Variants in RTTN observed in about 807,000 individuals in gnomAD.
RTTN encodes the protein rotatin.
A neutral mutation model predicts 269.2 loss-of-function variants in RTTN; 182 were observed. That is an observed-to-expected ratio of 0.68 (90% CI 0.60 to 0.76). RTTN has a LOEUF of 0.76. Ranked by LOEUF, RTTN falls within the 30% of genes least tolerant of loss-of-function variation. RTTN has a pLI of 0.00. For synonymous variants in RTTN, 1,006 were observed against 963.5 expected, an observed-to-expected ratio of 1.04 and a Z score of -0.82; for missense variants, 2,545 against 2,608.6, an observed-to-expected ratio of 0.98 and a Z score of 0.53.
rs778915157 is a variant in RTTN, at chr18:70,135,244, G to A, written c.2825C>T (p.Thr942Ile). 4 of 1,544,588 alleles carry A rather than the reference G, an allele frequency of 2.6e-6. No homozygotes were observed. ...AAGACAAAATAGTGCTCCAACTTCA[G>A]TCACGACACTACAATCTTCATGAAA... ...LIFHEDCSVVTEVGALFCLLL... is the reference protein window; with the variant it reads ...LIFHEDCSVVIEVGALFCLLL... Residue 942 changes from threonine (T) to isoleucine (I), a missense_variant, in exon 22 of 49, where the codon ACT becomes ATT. Thr to Ile is a moderately conservative substitution (Grantham distance 89, BLOSUM62 -1). Transcript: ENST00000640769.
chr18:70,101,038 T>C (rs895182875), intron 28 of RTTN, among the ~76,000 whole-genome samples: 9 of 152,138 alleles, frequency 5.9e-5, no homozygotes, highest in African/African-American at 1.9e-4. Flanking sequence ...TAAAATTCTC[T>C]TTTTTTGTTG....
intron 27 of RTTN, among the ~76,000 whole-genome samples, chr18:70,111,231 A>G (rs1407938522): frequency 1.3e-5 from 2 of 152,234 alleles, no homozygotes; most frequent in African/African-American, 2.4e-5. Flanking sequence ...CTGCCTCCTC[A>G]AGTGGGTCCC....
intron 46 of RTTN, among the ~76,000 whole-genome samples, chr18:70,013,628 A>T (rs1396553637): frequency 6.6e-6 from 1 of 152,176 alleles, no homozygotes; most frequent in Non-Finnish European, 1.5e-5. Context: ...ATGAGACAGT[A>T]TTTTTGAATA....
At chr18:70,196,210 G>A (rs774363753) in intron 7 of RTTN, among the ~76,000 whole-genome samples, 3 of 151,540 alleles carry the variant, frequency 2.0e-5, no homozygotes, top group African/African-American at 7.3e-5. Context: ...CCAAATATCC[G>A]AGTCACTACA....
intron 39 of RTTN, among the ~76,000 whole-genome samples, chr18:70,049,690 A>G (rs2057600268): frequency 6.6e-6 from 1 of 152,176 alleles, no homozygotes; most frequent in Non-Finnish European, 1.5e-5. Flanking sequence ...GGTTACATAA[A>G]TGTCAGTTAT....
intron 20 of RTTN, 39 bp downstream of exon 20, chr18:70,140,061 C>T: frequency 2.3e-6 from 3 of 1,328,778 alleles, no homozygotes; most frequent in African/African-American, 2.9e-5. Context: ...TTAATCAAAA[C>T]AGCCTGTAAA....
At position 70,159,477 on chromosome 18, in the gene RTTN, T is replaced by C. The variant is rs959256791; in HGVS notation, c.1929+6585A>G. On this transcript the variant is annotated intron_variant, in intron 14 of 48. Transcript: ENST00000640769. ...AACTATACAGCACTAAATGCCTATA[T>C]GAAGAAGTTAGAAAGATTGCAAACT... Among the ~76,000 whole-genome samples the C allele has an allele frequency of 4.6e-5, 7 of 152,128 alleles. No individual in the cohort carries two copies. The South Asian group carries it at 6.2e-4, about 14-fold the overall frequency.
At chr18:70,115,336 T>C (rs1237747267) in intron 26 of RTTN, among the ~76,000 whole-genome samples, 1 of 151,934 alleles carries the variant, frequency 6.6e-6, no homozygotes, top group Non-Finnish European at 1.5e-5. Context: ...CTTGATAGGC[T>C]AGTAAACAAA....
At chr18:70,097,215 C>A (rs1287665008) in intron 28 of RTTN, among the ~76,000 whole-genome samples, 1 of 151,184 alleles carries the variant, frequency 6.6e-6, no homozygotes, top group Non-Finnish European at 1.5e-5. Flanking sequence ...TTCACAGCTA[C>A]AAAAAGCAAA....
At chr18:70,100,500 A>G (rs2059130273) in intron 28 of RTTN, among the ~76,000 whole-genome samples, 1 of 152,128 alleles carries the variant, frequency 6.6e-6, no homozygotes, top group South Asian at 2.1e-4. Flanking sequence ...GGGTTTTCTA[A>G]ATATACAATC....
chr18:70,165,972 A>C, intron 14 of RTTN, 90 bp downstream of exon 14: 2 of 1,316,778 alleles, frequency 1.5e-6, no homozygotes, highest in Non-Finnish European at 2.1e-6. Context: ...TATCTCATAC[A>C]AAAGGTCAAG....
chr18:70,108,097 T>C (rs2059369257), intron 28 of RTTN, among the ~76,000 whole-genome samples: 1 of 152,090 alleles, frequency 6.6e-6, no homozygotes, highest in African/African-American at 2.4e-5. Flanking sequence ...GCCAACCTGG[T>C]GAAACCCTGT....
At chr18:70,168,683 C>T (rs149212164) in intron 12 of RTTN, among the ~76,000 whole-genome samples, 172 bp downstream of exon 12, 45 of 152,230 alleles carry the variant, frequency 3.0e-4, no homozygotes, top group African/African-American at 1.0e-3. Context: ...CTATACAAAT[C>T]ATATCCTTAC....
chr18:70,104,174 G>T (rs28783424), intron 28 of RTTN, among the ~76,000 whole-genome samples: 2 of 152,104 alleles, frequency 1.3e-5, no homozygotes, highest in African/African-American at 2.4e-5. Flanking sequence ...TTTCTTGGAG[G>T]CTTTGTTTGT....
chr18:70,153,236 C>CTATATA (rs61001454), intron 14 of RTTN, among the ~76,000 whole-genome samples: 1 of 150,438 alleles, frequency 6.6e-6, no homozygotes, highest in African/African-American at 2.4e-5. Context: ...GTGTTGTAAA[C>CTATATA]TATATATATA....
intron 23 of RTTN, among the ~76,000 whole-genome samples, chr18:70,133,991 C>A (rs74876927): frequency 6.6e-6 from 1 of 151,992 alleles, no homozygotes. Flanking sequence ...GAAACCACAC[C>A]ATGTTATAGA....
At position 70,196,552 on chromosome 18, in the gene RTTN, T is replaced by C; in HGVS notation, c.790A>G (p.Arg264Gly). 1 of 1,613,504 alleles carries C rather than the reference T, an allele frequency of 6.2e-7. No individual in the cohort carries two copies. The highest frequency in any genetic ancestry group is 8.5e-7 in the Non-Finnish European group (1 of 1,179,794). Residue 264 changes from arginine to glycine, a missense_variant, in exon 7 of 49, where the codon AGA becomes GGA. By Grantham distance (125) the Arg-to-Gly change is moderately radical. Coordinates refer to ENST00000640769, the MANE Select transcript of RTTN (RefSeq NM_173630.4). Reference protein sequence around the residue: ...SCLQQLCMYLRNRLNFHRDPG... With the variant: ...SCLQQLCMYLGNRLNFHRDPG... Reference sequence around the variant, plus strand: ...TCTCGGTGAAAGTTAAGTCTGTTTCTTAAATACATGCACAGCTGCTGCAGG... The same window carrying C: ...TCTCGGTGAAAGTTAAGTCTGTTTCCTAAATACATGCACAGCTGCTGCAGG...
intron 14 of RTTN, among the ~76,000 whole-genome samples, chr18:70,157,704 A>G (rs879758149): frequency 6.6e-5 from 10 of 152,310 alleles, no homozygotes; most frequent in Admixed American, 1.3e-4. Context: ...CCACCCATGG[A>G]AACCAGTAAA....
chr18:70,172,986 C>A (rs1002250823), intron 11 of RTTN, among the ~76,000 whole-genome samples: 2 of 152,188 alleles, frequency 1.3e-5, no homozygotes, highest in African/African-American at 4.8e-5. Flanking sequence ...GACTGGAATT[C>A]TTCCATTCTT....
Sources: allele counts gnomAD v4.1 joint callset (sites outside exome capture counted in the v4.1 genomes callset), GRCh38; gene constraint gnomAD v4.1.1; transcripts MANE v1.5; gene names NCBI Gene and HGNC (gene_info 2026-07-23, HGNC 2026-07-21).